TMEM179: variants seen among roughly 807,000 people sequenced by gnomAD.
TMEM179 encodes the protein transmembrane protein 179.
A neutral mutation model predicts 22.2 loss-of-function variants in TMEM179; 17 were observed. The observed-to-expected ratio is 0.77, with a 90% confidence interval of 0.52 to 1.15. The LOEUF (loss-of-function observed/expected upper bound fraction) is 1.15, where lower values mean the gene tolerates loss of function less well. Among genes scored for constraint, TMEM179 ranks in the 50% most tolerant of loss-of-function variants. The pLI is 0.00. For missense variants in TMEM179, 265 were observed against 313.6 expected (o/e 0.84, Z 1.17); for synonymous variants, 127 against 140.5 (o/e 0.90, Z 0.68).
At chr14:104,593,687 A>G (rs12879330) in intron 3 of TMEM179, 29 bp from the exon 4 acceptor site, 1,037,902 of 1,441,310 alleles carry the variant, frequency 0.72, 377,221 homozygotes, top group Non-Finnish European at 0.74. Context: ...CAGGGTCAGA[A>G]GCCGTTGGGG....
intron 1 of TMEM179, among the ~76,000 whole-genome samples, chr14:104,599,432 C>T (rs1887163746): frequency 6.6e-6 from 1 of 152,140 alleles, no homozygotes; most frequent in African/African-American, 2.4e-5. Context: ...GGGATGGGGA[C>T]AGCACCACCT....
In TMEM179 at chr14:104,591,592, C is replaced by T; in HGVS notation, c.*1887G>A. 1 of 360,980 alleles carries T rather than the reference C, an allele frequency of 2.8e-6. No homozygotes were observed. The highest frequency in any genetic ancestry group is 2.1e-5 in the South Asian group (1 of 48,630). The allele number at this position is 360,980 out of a possible 1,614,324, so 22.4% of individuals were successfully genotyped here. A position where few individuals can be genotyped will look rare whatever the true frequency, so the allele number is the denominator to read the frequency against. On this transcript the variant is annotated 3_prime_UTR_variant, in exon 4 of 4. Transcript: ENST00000556573. ...CCCTTGAGCTTCCAGAGCCTCGATC[C>T]CCCTGGACTTGACACCCCCGATGGG...
chr14:104,598,760 T>C (rs926106280), intron 1 of TMEM179, among the ~76,000 whole-genome samples: 2 of 152,174 alleles, frequency 1.3e-5, no homozygotes, highest in Non-Finnish European at 2.9e-5. Flanking sequence ...ACACACTGTT[T>C]TGGTGACTGC....
chr14:104,603,451 C>T (rs1887304277), intron 1 of TMEM179, among the ~76,000 whole-genome samples: 1 of 151,016 alleles, frequency 6.6e-6, no homozygotes, highest in Non-Finnish European at 1.5e-5. Flanking sequence ...CGGGCTGCTC[C>T]TGGGCACAGC....
Position 104,595,259 on chromosome 14 carries a change from A to C in TMEM179, c.444-16T>G, listed in dbSNP as rs1257999873. On this transcript the variant is annotated splice_polypyrimidine_tract_variant and intron_variant, in intron 2 of 3. Transcript: ENST00000556573. This position sits in a 1 kb window ranked among gnomAD's most constrained non-coding sequence, Gnocchi z 5.7. The stretch of plus-strand genomic sequence containing the variant: ...CTCTTCACAGCTAAAACAGCAGGAC[A>C]TAGGGTGGAGGGTGACCACCAGGAC... 2 of 1,610,892 alleles carry C rather than the reference A, an allele frequency of 1.2e-6. No individual in the cohort carries two copies. Among genetic ancestry groups the C allele is most frequent in the Non-Finnish European group, 1.7e-6 (2 of 1,178,588 alleles).
intron 1 of TMEM179, among the ~76,000 whole-genome samples, chr14:104,599,422 G>A (rs1029995068): frequency 6.6e-6 from 1 of 152,158 alleles, no homozygotes; most frequent in South Asian, 2.1e-4. Context: ...CCGTTAGCCA[G>A]GGATGGGGAC....
chr14:104,604,407 G>A lies in TMEM179; in HGVS notation c.305+30C>T. 6.8e-7 allele frequency: 1 copy of A among 1,475,126 alleles called. No individual in the cohort carries two copies. The highest frequency in any genetic ancestry group is 8.9e-7 in the Non-Finnish European group (1 of 1,120,482). The allele number at this position is 1,475,126 out of a possible 1,614,324, so 91.4% of individuals were successfully genotyped here. ...CTGGGGGCGCTGGGGGCATGGAAGG[G>A]GCGCCGCGCCGGGAGCGGCCCCCAC... On this transcript the variant is annotated intron_variant, in intron 1 of 3. Transcript: ENST00000556573. This position sits in a 1 kb window ranked among gnomAD's most constrained non-coding sequence, Gnocchi z 4.6.
chr14:104,604,425 G>A lies in TMEM179; in HGVS notation c.305+12C>T. ...TGGAAGGGGCGCCGCGCCGGGAGCGGCCCCCACTTACCCCTCGTGTCCCTT... is the reference window on the plus strand; with the variant it reads ...TGGAAGGGGCGCCGCGCCGGGAGCGACCCCCACTTACCCCTCGTGTCCCTT... On this transcript the variant is annotated intron_variant, in intron 1 of 3. Transcript: ENST00000556573. The surrounding 1 kb of genome is among the most constrained non-coding windows in gnomAD (Gnocchi z 4.6). The A allele has an allele frequency of 6.5e-7, 1 of 1,530,136 alleles. No homozygotes were observed. Among genetic ancestry groups the A allele is most frequent in the South Asian group, 1.2e-5 (1 of 81,904 alleles). The allele number at this position is 1,530,136 out of a possible 1,614,324, so 94.8% of individuals were successfully genotyped here. A position where few individuals can be genotyped will look rare whatever the true frequency, so the allele number is the denominator to read the frequency against.
chr14:104,594,792 C>T (rs2140481583), intron 3 of TMEM179: 1 of 1,222,382 alleles, frequency 8.2e-7, no homozygotes, highest in Non-Finnish European at 1.0e-6. Context: ...CAGGCCCACC[C>T]AGCGCCAGCA....
Position 104,604,589 on chromosome 14 carries a change from G to T in TMEM179, c.153C>A (p.Asn51Lys), listed in dbSNP as rs776154770. ...AGCGCTCGCGCTCCTGCACCGTGAG[G>T]TTGGCGCTCAGCCACATGCCCTCGG... ...LFTEGMWLSANLTVQERERFT... is the reference protein window; with the variant it reads ...LFTEGMWLSAKLTVQERERFT... Residue 51 changes from asparagine to lysine, a missense_variant, in exon 1 of 4, where the codon AAC (asparagine) becomes AAA (lysine). By Grantham distance (94) the Asn-to-Lys change is moderately conservative (BLOSUM62 0). Transcript: ENST00000556573. This position sits in a 1 kb window ranked among gnomAD's most constrained non-coding sequence, Gnocchi z 4.6. 3.2e-6 allele frequency: 5 copies of T among 1,549,660 alleles called. No individual in the cohort carries two copies. The highest frequency in any genetic ancestry group is 4.3e-6 in the Non-Finnish European group (5 of 1,151,600).
chr14:104,602,719 G>C (rs750347810), intron 1 of TMEM179, among the ~76,000 whole-genome samples: 3 of 152,212 alleles, frequency 2.0e-5, no homozygotes, highest in African/African-American at 7.2e-5. Flanking sequence ...CGCCCGGCCT[G>C]ACCCCACCTT....
At chr14:104,603,341 G>A (rs556848192) in intron 1 of TMEM179, among the ~76,000 whole-genome samples, 3 of 152,224 alleles carry the variant, frequency 2.0e-5, no homozygotes, top group East Asian at 1.9e-4. Flanking sequence ...TCCCACCTGC[G>A]TGCAGGAAGT....
intron 1 of TMEM179, among the ~76,000 whole-genome samples, chr14:104,598,709 C>G (rs1791028093): frequency 6.6e-6 from 1 of 152,244 alleles, no homozygotes; most frequent in Admixed American, 6.5e-5. Context: ...TTTGTAACAT[C>G]TGGTGCCTCC....
Position 104,597,854 on chromosome 14 carries a change from C to T in TMEM179, c.306-727G>A, listed in dbSNP as rs1887090716. ...CCCCTGGTAGGACTTGCTTGATGGG[C>T]CAGCTCTGATTTATCCATTTAAACT... On this transcript the variant is annotated intron_variant, in intron 1 of 3. Coordinates refer to ENST00000556573, the MANE Select transcript of TMEM179 (RefSeq NM_001286389.2). This position sits in a 1 kb window ranked among gnomAD's most constrained non-coding sequence, Gnocchi z 4.8. 6.6e-6 allele frequency among the ~76,000 whole-genome samples: 1 copy of T among 152,216 alleles called. No individual in the cohort carries two copies. The highest frequency in any genetic ancestry group is 1.5e-5 in the Non-Finnish European group (1 of 68,036).
Position 104,597,084 on chromosome 14 carries a change from C to T in TMEM179, c.349G>A (p.Val117Met), listed in dbSNP as rs368802867. 136 of 1,607,058 alleles carry T rather than the reference C, an allele frequency of 8.5e-5. No individual in the cohort carries two copies. Among genetic ancestry groups the T allele is most frequent in the Non-Finnish European group, 1.1e-4 (131 of 1,177,504 alleles). ...CTGGCAATGAAGACCAGGAAGACCA[C>T]GAAGGCGCTGACCAGGAGGTTCAGG... ...AFLNLLVSAF[V>M]VFLVFIASTI... Residue 117 changes from valine (V) to methionine (M), a missense_variant, in exon 2 of 4, where the codon GTG (valine) becomes ATG (methionine). Coordinates refer to ENST00000556573, the MANE Select transcript of TMEM179 (RefSeq NM_001286389.2). The surrounding 1 kb of genome is among the most constrained non-coding windows in gnomAD (Gnocchi z 4.8).
chr14:104,594,895 T>TCCCACCC, intron 3 of TMEM179: 1 of 1,285,852 alleles, frequency 7.8e-7, no homozygotes, highest in Non-Finnish European at 9.9e-7. Context: ...CCCCCACACT[T>TCCCACCC]CCCACCCCAG....
chr14:104,601,740 C>G (rs1887247142), intron 1 of TMEM179, among the ~76,000 whole-genome samples: 1 of 152,182 alleles, frequency 6.6e-6, no homozygotes, highest in Non-Finnish European at 1.5e-5. Flanking sequence ...TGGTGAACCC[C>G]TGAACTGAAG....
intron 3 of TMEM179, chr14:104,594,245 G>A (rs2140480455): frequency 8.1e-7 from 1 of 1,231,836 alleles, no homozygotes; most frequent in Non-Finnish European, 1.0e-6. Flanking sequence ...GCATGAAGGT[G>A]TCTTTGACAG....
chr14:104,593,966 T>C, intron 3 of TMEM179: 1 of 1,043,298 alleles, frequency 9.6e-7, no homozygotes, highest in Non-Finnish European at 1.2e-6. Context: ...GGAGGGGCAG[T>C]GGCCAGTGGC....
Sources: allele counts gnomAD v4.1 joint callset (sites outside exome capture counted in the v4.1 genomes callset), GRCh38; gene constraint gnomAD v4.1.1; non-coding constraint Gnocchi (gnomAD v3.1); transcripts MANE v1.5; gene names NCBI Gene and HGNC (gene_info 2026-07-23, HGNC 2026-07-21).